Variants in ARB2A observed in about 807,000 individuals in gnomAD.
ARB2A encodes ARB2 cotranscriptional regulator A.
At chr5:93,830,960 T>C in the ARB2A span, among the ~76,000 whole-genome samples, 1 of 152,146 alleles carries the variant, frequency 6.6e-6, no homozygotes, top group African/African-American at 2.4e-5. Flanking sequence ...TGACAGATCG[T>C]CAGGCATTAG....
the ARB2A span, among the ~76,000 whole-genome samples, chr5:93,638,925 T>C: frequency 1.6e-3 from 247 of 152,352 alleles, 3 homozygotes; most frequent in African/African-American, 5.7e-3. Context: ...CTGTAGATTT[T>C]GAATTTCCTA....
the ARB2A span, among the ~76,000 whole-genome samples, chr5:93,728,062 A>T: frequency 1.3e-5 from 2 of 152,116 alleles, no homozygotes; most frequent in African/African-American, 2.4e-5. Flanking sequence ...CGGACTTAAT[A>T]ATTACTAAAG....
chr5:93,970,632 G>A, the ARB2A span, among the ~76,000 whole-genome samples: 15 of 152,074 alleles, frequency 9.9e-5, no homozygotes, highest in Admixed American at 6.6e-5. Flanking sequence ...TTTGTAAACA[G>A]CCTTAGGATA....
the ARB2A span, among the ~76,000 whole-genome samples, chr5:93,644,224 C>T: frequency 6.6e-6 from 1 of 152,154 alleles, no homozygotes; most frequent in Non-Finnish European, 1.5e-5. Context: ...GAATATAAGC[C>T]AGTTGGTGGT....
At chr5:93,740,484 C>G in the ARB2A span, 1 of 1,342,684 alleles carries the variant, frequency 7.4e-7, no homozygotes, top group Non-Finnish European at 1.0e-6. Flanking sequence ...GAAATTAATA[C>G]TAAAAGCCCT....
the ARB2A span, among the ~76,000 whole-genome samples, chr5:93,916,698 T>G: frequency 6.6e-6 from 1 of 152,072 alleles, no homozygotes; most frequent in South Asian, 2.1e-4. Context: ...CCCCCTAAAC[T>G]ATGTACTTTC....
At chr5:93,859,262 A>G in the ARB2A span, among the ~76,000 whole-genome samples, 1 of 152,186 alleles carries the variant, frequency 6.6e-6, no homozygotes, top group African/African-American at 2.4e-5. Flanking sequence ...GTTAAAACAC[A>G]TATTATTGAA....
chr5:93,925,653 A>G, the ARB2A span, among the ~76,000 whole-genome samples: 2 of 152,198 alleles, frequency 1.3e-5, no homozygotes, highest in East Asian at 3.9e-4. Flanking sequence ...TTTTTGGACT[A>G]TGGTCGATGA....
At chr5:94,074,340 C>T in the ARB2A span, among the ~76,000 whole-genome samples, 1 of 151,806 alleles carries the variant, frequency 6.6e-6, no homozygotes, top group Non-Finnish European at 1.5e-5. Flanking sequence ...AAGCAGAAAA[C>T]ATAAGGTAAA....
At chr5:93,680,494 T>C in the ARB2A span, among the ~76,000 whole-genome samples, 2 of 152,118 alleles carry the variant, frequency 1.3e-5, no homozygotes, top group East Asian at 1.9e-4. Flanking sequence ...CTCACTCTCA[T>C]AGCTAAAATT....
the ARB2A span, among the ~76,000 whole-genome samples, chr5:93,744,434 C>CAAAAAAAAAAAA: frequency 6.7e-3 from 97 of 14,536 alleles, 17 homozygotes; most frequent in African/African-American, 9.3e-3. Flanking sequence ...GACTCAGTCT[C>CAAAAAAAAAAAA]AAAAAAAAAA....
At chr5:93,948,685 T>C in the ARB2A span, among the ~76,000 whole-genome samples, 1 of 152,198 alleles carries the variant, frequency 6.6e-6, no homozygotes, top group Non-Finnish European at 1.5e-5. Flanking sequence ...TTAATTTTTG[T>C]ATAAGGTGTA....
chr5:93,850,643 G>C, the ARB2A span, among the ~76,000 whole-genome samples: 1 of 152,124 alleles, frequency 6.6e-6, no homozygotes, highest in East Asian at 1.9e-4. Flanking sequence ...TGTATTTCTG[G>C]AACTCGCCAT....
chr5:93,715,893 A>G, the ARB2A span, among the ~76,000 whole-genome samples: 1 of 152,206 alleles, frequency 6.6e-6, no homozygotes, highest in Non-Finnish European at 1.5e-5. Flanking sequence ...CATGTACACA[A>G]TATTATGGAC....
chr5:93,852,271 C>T, the ARB2A span, among the ~76,000 whole-genome samples: 1 of 152,170 alleles, frequency 6.6e-6, no homozygotes, highest in Non-Finnish European at 1.5e-5. Flanking sequence ...AGTGTCTGTT[C>T]ATATCCTTTG....
chr5:93,979,089 T>C, the ARB2A span, among the ~76,000 whole-genome samples: 1 of 152,128 alleles, frequency 6.6e-6, no homozygotes, highest in South Asian at 2.1e-4. Flanking sequence ...ACACATTCTA[T>C]GCATATAACA....
chr5:93,931,475 A>G, the ARB2A span, among the ~76,000 whole-genome samples: 2 of 152,184 alleles, frequency 1.3e-5, no homozygotes, highest in Non-Finnish European at 2.9e-5. Context: ...AAAAAGGAAA[A>G]AGAAAGAAAA....
At chr5:94,049,597 G>A in the ARB2A span, among the ~76,000 whole-genome samples, 2 of 151,106 alleles carry the variant, frequency 1.3e-5, no homozygotes. Context: ...AAAAAATTAG[G>A]TGAAACCCCA....
chr5:94,061,661 T>C, the ARB2A span, among the ~76,000 whole-genome samples: 1 of 152,168 alleles, frequency 6.6e-6, no homozygotes, highest in South Asian at 2.1e-4. Flanking sequence ...TCAATAAACA[T>C]GTGTAAACTG....
Sources: allele counts gnomAD v4.1 joint callset (sites outside exome capture counted in the v4.1 genomes callset), GRCh38; gene constraint gnomAD v4.1.1; transcripts MANE v1.5; gene names NCBI Gene and HGNC (gene_info 2026-07-23, HGNC 2026-07-21).